PMM2: variants seen among roughly 807,000 people sequenced by gnomAD.
PMM2 encodes phosphomannomutase 2.
A neutral mutation model predicts 33.2 loss-of-function variants in PMM2; 35 were observed. That is an observed-to-expected ratio of 1.06 (90% CI 0.81 to 1.40). PMM2 has a LOEUF of 1.40. PMM2 is among the 40% of genes most tolerant of loss of function. The pLI, the probability that PMM2 is intolerant of heterozygous loss-of-function variation, is 0.00. For missense variants in PMM2, 386 were observed against 306.0 expected, an observed-to-expected ratio of 1.26 and a Z score of -1.95; for synonymous variants, 153 against 114.7, an observed-to-expected ratio of 1.33 and a Z score of -2.13.
At chr16:8,817,906 A>ATT (rs3034279) in intron 7 of PMM2, among the ~76,000 whole-genome samples, 46,398 of 142,684 alleles carry the variant, frequency 0.33, 7,812 homozygotes, top group East Asian at 0.45. Flanking sequence ...TGCAAAGAAG[A>ATT]TTTTTTTTTT....
chr16:8,799,488 T>A (rs2060599179), intron 1 of PMM2, among the ~76,000 whole-genome samples: 1 of 152,146 alleles, frequency 6.6e-6, no homozygotes, highest in Non-Finnish European at 1.5e-5. Flanking sequence ...GTGGAAGCTG[T>A]TCTAGTCACT....
At chr16:8,838,791 T>G (rs2060869926) in intron 7 of PMM2, among the ~76,000 whole-genome samples, 1 of 152,096 alleles carries the variant, frequency 6.6e-6, no homozygotes, top group African/African-American at 2.4e-5. Context: ...TCAGCGTAAT[T>G]ACTTGCTTGG....
intron 7 of PMM2, among the ~76,000 whole-genome samples, chr16:8,821,544 C>G (rs2060739549): frequency 6.6e-6 from 1 of 152,196 alleles, no homozygotes; most frequent in Non-Finnish European, 1.5e-5. Context: ...CCAGGGAGCC[C>G]CTTGATGTCC....
At chr16:8,839,504 C>T (rs976579473) in intron 7 of PMM2, among the ~76,000 whole-genome samples, 1 of 151,954 alleles carries the variant, frequency 6.6e-6, no homozygotes, top group Non-Finnish European at 1.5e-5. Flanking sequence ...TACAAGCAAC[C>T]TTTCACTATT....
chr16:8,830,789 G>C (rs8057390), intron 7 of PMM2, among the ~76,000 whole-genome samples: 37,064 of 152,134 alleles, frequency 0.24, 4,741 homozygotes, highest in South Asian at 0.34. Context: ...AGGCAGACTG[G>C]TCCCCAGGCA....
At chr16:8,834,025 G>A (rs2060827903) in intron 7 of PMM2, among the ~76,000 whole-genome samples, 1 of 151,936 alleles carries the variant, frequency 6.6e-6, no homozygotes, top group African/African-American at 2.4e-5. Flanking sequence ...GGAGATAGTA[G>A]GGATGACAAG....
At chr16:8,838,250 G>C (rs1020765213) in intron 7 of PMM2, among the ~76,000 whole-genome samples, 1 of 152,032 alleles carries the variant, frequency 6.6e-6, no homozygotes, top group East Asian at 1.9e-4. Context: ...ATCAGTTCGG[G>C]TGGGGCAGAA....
chr16:8,844,183 G>A (rs1387579739), intron 7 of PMM2, among the ~76,000 whole-genome samples: 1 of 152,136 alleles, frequency 6.6e-6, no homozygotes, highest in East Asian at 1.9e-4. Context: ...AGAAAATAAG[G>A]CATTTATTTA....
At chr16:8,844,367 G>A (rs1030524836) in intron 7 of PMM2, among the ~76,000 whole-genome samples, 6 of 152,044 alleles carry the variant, frequency 3.9e-5, no homozygotes, top group Non-Finnish European at 5.9e-5. Context: ...CCAGAAAAGC[G>A]GGAAAGGGGT....
intron 7 of PMM2, among the ~76,000 whole-genome samples, chr16:8,840,393 A>C (rs544077550): frequency 6.6e-6 from 1 of 151,990 alleles, no homozygotes; most frequent in South Asian, 2.1e-4. Context: ...AAACAGTGTA[A>C]ACCGGCCGTG....
At chr16:8,819,398 A>G (rs1367395949) in intron 7 of PMM2, among the ~76,000 whole-genome samples, 1 of 152,248 alleles carries the variant, frequency 6.6e-6, no homozygotes, top group Non-Finnish European at 1.5e-5. Context: ...AATGCATAAA[A>G]GGAGTCTGAA....
chr16:8,825,807 G>A (rs2060764536), intron 7 of PMM2, among the ~76,000 whole-genome samples: 1 of 144,932 alleles, frequency 6.9e-6, no homozygotes, highest in Admixed American at 7.0e-5. Flanking sequence ...CCAGGCTGGA[G>A]TGCAGTGGCA....
At chr16:8,821,097 C>T (rs185587870) in intron 7 of PMM2, among the ~76,000 whole-genome samples, 2 of 152,300 alleles carry the variant, frequency 1.3e-5, no homozygotes, top group East Asian at 3.9e-4. Context: ...TGTCTTACTA[C>T]TTATTGCTGG....
chr16:8,836,098 C>T (rs1037240919), intron 7 of PMM2, among the ~76,000 whole-genome samples: 4 of 151,554 alleles, frequency 2.6e-5, no homozygotes, highest in African/African-American at 4.8e-5. Flanking sequence ...GAAGCCTGGC[C>T]GTCAATACCC....
chr16:8,804,682 T>A (rs1057288204), intron 2 of PMM2, 85 bp from the exon 3 acceptor site: 19 of 879,300 alleles, frequency 2.2e-5, no homozygotes, highest in Non-Finnish European at 3.5e-5. Flanking sequence ...TTTAGCGGTT[T>A]TATTGGTGGT....
rs1012862688 is a variant in PMM2 at position 8,849,099 on chromosome 16, C to A, written c.*1274C>A. On this transcript the variant is annotated 3_prime_UTR_variant, in exon 8 of 8. Transcript: ENST00000268261. ...CCCAGGCTGCCCTGCACTCCTGCCT[C>A]CCAGCCCACAGCCAGGTGCTTTCAT... The A allele has an allele frequency of 6.6e-6, 1 of 152,396 alleles. No individual in the cohort carries two copies. The highest frequency in any genetic ancestry group is 2.1e-4 in the South Asian group (1 of 4,824). The allele number at this position is 152,396 out of a possible 1,614,324, so 9.4% of individuals were successfully genotyped here. A position where few individuals can be genotyped will look rare whatever the true frequency, so the allele number is the denominator to read the frequency against.
chr16:8,847,387 A>AAC (rs911111655), intron 7 of PMM2, among the ~76,000 whole-genome samples: 1 of 151,576 alleles, frequency 6.6e-6, no homozygotes, highest in Non-Finnish European at 1.5e-5. Context: ...TAAAAAAAAA[A>AAC]AAAAAACTGA....
chr16:8,837,859 G>A (rs2060861424), intron 7 of PMM2, among the ~76,000 whole-genome samples: 1 of 152,086 alleles, frequency 6.6e-6, no homozygotes, highest in Non-Finnish European at 1.5e-5. Context: ...AGGGAAGGCT[G>A]CCTTCCCAGT....
At chr16:8,821,334 C>A (rs146126397) in intron 7 of PMM2, among the ~76,000 whole-genome samples, 1 of 152,184 alleles carries the variant, frequency 6.6e-6, no homozygotes, top group African/African-American at 2.4e-5. Context: ...ATGGGAGCCA[C>A]GAGCTTCAGA....
Sources: gnomAD v4.1 joint callset for allele counts (sites outside exome capture counted in the v4.1 genomes callset) on GRCh38, gnomAD v4.1.1 for gene constraint, MANE v1.5 for transcripts, NCBI Gene and HGNC (gene_info 2026-07-23, HGNC 2026-07-21) for gene names.